The following KLHL15 variants were observed in gnomAD, a reference collection of about 807,000 sequenced individuals.
KLHL15 encodes the protein kelch-like protein 15.
A neutral mutation model predicts 29.3 loss-of-function variants in KLHL15; 1 was observed. The ratio of observed to expected loss-of-function variants is 0.03; its 90% CI spans 0.01 to 0.16. The LOEUF (loss-of-function observed/expected upper bound fraction) is 0.16. Ranked by LOEUF, KLHL15 falls within the 10% of genes least tolerant of loss-of-function variation. The probability of loss-of-function intolerance (pLI) is 1.00; values close to 1 mark genes in which losing one functional copy is unlikely to be tolerated. For missense variants in KLHL15, 215 were observed against 478.5 expected, an observed-to-expected ratio of 0.45 and a Z score of 5.14; for synonymous variants, 212 against 184.5, an observed-to-expected ratio of 1.15 and a Z score of -1.21.
intron 3 of KLHL15, among the ~76,000 whole-genome samples, chrX:23,998,967 G>A (rs1164803323): frequency 9.0e-6 from 1 of 111,370 alleles, no homozygotes; most frequent in Non-Finnish European, 1.9e-5. Context: ...GTGCAGTGGT[G>A]CAGTCTCGGC....
chrX:23,999,430 C>A (rs1193805027), intron 3 of KLHL15, among the ~76,000 whole-genome samples: 4 of 108,349 alleles, frequency 3.7e-5, no homozygotes, highest in Non-Finnish European at 5.7e-5. Context: ...CCCGTCTCTA[C>A]TAAAAATACA....
chrX:24,018,555 A>G (rs1235454385), intron 2 of KLHL15, among the ~76,000 whole-genome samples: 1 of 111,343 alleles, frequency 9.0e-6, no homozygotes, highest in Non-Finnish European at 1.9e-5. Flanking sequence ...GACTAAATAA[A>G]AGAAAGCCTC....
intron 3 of KLHL15, among the ~76,000 whole-genome samples, chrX:24,002,162 T>G (rs190099349): frequency 2.2e-3 from 240 of 110,952 alleles, no homozygotes; most frequent in Admixed American, 5.2e-3. Flanking sequence ...AATAAATAAA[T>G]AAAGAAAGTA....
chrX:23,990,508 A>G (rs1269004795), intron 3 of KLHL15, among the ~76,000 whole-genome samples: 1 of 112,059 alleles, frequency 8.9e-6, no homozygotes, highest in Admixed American at 9.5e-5. Flanking sequence ...TAGCGTAGAG[A>G]TAACATCTAC....
At chrX:23,992,689 C>T (rs912978343) in intron 3 of KLHL15, among the ~76,000 whole-genome samples, 2 of 112,089 alleles carry the variant, frequency 1.8e-5, no homozygotes, top group Non-Finnish European at 3.8e-5. Flanking sequence ...CTCTCAAAAG[C>T]ATAACGCTGA....
At chrX:24,006,786 A>T in intron 2 of KLHL15, 86 bp from the exon 3 acceptor site, 1 of 735,110 alleles carries the variant, frequency 1.4e-6, no homozygotes, top group Non-Finnish European at 2.0e-6. Flanking sequence ...AATTTTTGCT[A>T]TTATCTCAAT....
rs776862746 is a variant in KLHL15 at position 23,991,212 on chromosome X, A to G, written c.706-2182T>C. Among the ~76,000 whole-genome samples, 7 of 108,772 alleles carry G rather than the reference A, an allele frequency of 6.4e-5. No individual in the cohort carries two copies. In the East Asian group the frequency reaches 2.0e-3, roughly 31 times the overall value. The allele number at this position is 108,772 out of a possible 115,157, so 94.5% of individuals were successfully genotyped here. ...TACTAAAAATACAAAATTTAGCTGG[A>G]CATGGTGGCAGGTACATGTAACTCC... On this transcript the variant is annotated intron_variant, in intron 3 of 3. Transcript: ENST00000328046.
At chrX:24,015,546 ACACT>A (rs755038553) in intron 2 of KLHL15, among the ~76,000 whole-genome samples, 8 of 112,550 alleles carry the variant, frequency 7.1e-5, no homozygotes, top group Non-Finnish European at 1.5e-4. Context: ...AAACAGTGAA[ACACT>A]CAGTGATTAA....
At chrX:23,995,312 C>T (rs1311835944) in intron 3 of KLHL15, among the ~76,000 whole-genome samples, 1 of 104,123 alleles carries the variant, frequency 9.6e-6, no homozygotes, top group African/African-American at 3.6e-5. Flanking sequence ...GAGGCTGAGG[C>T]AGGAGAATTG....
At chrX:24,005,043 A>C (rs1489101307) in intron 3 of KLHL15, among the ~76,000 whole-genome samples, 1 of 110,674 alleles carries the variant, frequency 9.0e-6, no homozygotes, top group Non-Finnish European at 1.9e-5. Flanking sequence ...ACTAAAGCTG[A>C]GGAACTATTT....
At chrX:24,019,055 T>C (rs1041394277) in intron 2 of KLHL15, among the ~76,000 whole-genome samples, 2 of 111,799 alleles carry the variant, frequency 1.8e-5, no homozygotes, top group African/African-American at 6.5e-5. Context: ...CATTCTGTTT[T>C]CTAGAGGTTT....
chrX:24,019,293 C>G (rs982094325), intron 2 of KLHL15, among the ~76,000 whole-genome samples: 2 of 111,839 alleles, frequency 1.8e-5, no homozygotes, highest in African/African-American at 6.5e-5. Context: ...TTGAGACAGT[C>G]TCACTCTGCA....
At chrX:24,018,223 G>A (rs930124018) in intron 2 of KLHL15, among the ~76,000 whole-genome samples, 3 of 111,896 alleles carry the variant, frequency 2.7e-5, no homozygotes, top group African/African-American at 9.7e-5. Context: ...GAAGTGCGTA[G>A]CCCCACTCTC....
rs1354601904 is a variant in KLHL15, at chrX:23,987,165, G to A, written c.*756C>T. 1 of 112,072 alleles carries A rather than the reference G, an allele frequency of 8.9e-6. No individual in the cohort carries two copies. The highest frequency in any genetic ancestry group is 2.8e-4 in the East Asian group (1 of 3,610). 9.2% of individuals were successfully genotyped at this position (112,072 alleles called of 1,213,427 possible). On this transcript the variant is annotated 3_prime_UTR_variant, in exon 4 of 4. Coordinates refer to ENST00000328046, the MANE Select transcript of KLHL15 (RefSeq NM_030624.3). Reference sequence around the variant, plus strand: ...ATAGGCTACTTTGATAGCAAATGAGGACTCCAGTTATTTCAACTTTCTAAA... The same window carrying A: ...ATAGGCTACTTTGATAGCAAATGAGAACTCCAGTTATTTCAACTTTCTAAA...
chrX:23,990,545 G>T (rs1929061334), intron 3 of KLHL15, among the ~76,000 whole-genome samples: 1 of 111,775 alleles, frequency 8.9e-6, no homozygotes, highest in African/African-American at 3.3e-5. Flanking sequence ...TTTGAAATAG[G>T]GTGAAAGAAT....
intron 2 of KLHL15, among the ~76,000 whole-genome samples, chrX:24,022,521 C>T (rs1230232599): frequency 9.4e-6 from 1 of 106,935 alleles, no homozygotes; most frequent in African/African-American, 3.4e-5. Flanking sequence ...ATAATCCCAG[C>T]TACTTAGTAG....
At chrX:24,001,441 G>C (rs1929312688) in intron 3 of KLHL15, among the ~76,000 whole-genome samples, 1 of 111,416 alleles carries the variant, frequency 9.0e-6, no homozygotes, top group South Asian at 3.7e-4. Context: ...CTGTACTAGA[G>C]AATCAACATA....
chrX:24,005,377 C>A (rs1269824273), intron 3 of KLHL15, among the ~76,000 whole-genome samples: 3 of 111,951 alleles, frequency 2.7e-5, no homozygotes, highest in African/African-American at 9.7e-5. Context: ...TTAGAAATGC[C>A]AAAATGATGT....
intron 2 of KLHL15, among the ~76,000 whole-genome samples, chrX:24,011,175 A>T (rs1287595564): frequency 9.2e-5 from 10 of 109,172 alleles, no homozygotes; most frequent in African/African-American, 3.0e-4. Context: ...CTCAAAAAAA[A>T]AAAAAAAGAA....
Sources: allele counts gnomAD v4.1 joint callset (sites outside exome capture counted in the v4.1 genomes callset), GRCh38; gene constraint gnomAD v4.1.1; transcripts MANE v1.5; gene names NCBI Gene and HGNC (gene_info 2026-07-23, HGNC 2026-07-21).